IP6K2: variants seen among roughly 807,000 people sequenced by gnomAD.
The protein encoded by IP6K2 is inositol hexakisphosphate kinase 2.
IP6K2 carries 9 observed loss-of-function variants against 43.3 expected under a neutral mutation model. The observed-to-expected ratio is 0.21, with a 90% CI of 0.13 to 0.36. The LOEUF is 0.36. Ranked by LOEUF, IP6K2 falls within the 10% of genes least tolerant of loss-of-function variation. The pLI is 1.00. For missense variants in IP6K2, 332 were observed against 538.4 expected (o/e 0.62, Z 3.79); for synonymous variants, 209 against 202.4 (o/e 1.03, Z -0.28).
chr3:48,700,580 TAC>T (rs753374907), intron 1 of IP6K2, among the ~76,000 whole-genome samples: 3 of 152,222 alleles, frequency 2.0e-5, no homozygotes, highest in African/African-American at 4.8e-5. Context: ...TAGCACAGCA[TAC>T]AGTTTTCCCA....
chr3:48,693,982 G>GCTAACTAGTGTAGATCTCGGTGGT, intron 2 of IP6K2: 1 of 1,381,744 alleles, frequency 7.2e-7, no homozygotes, highest in South Asian at 1.8e-5. Flanking sequence ...GTGCCGACGA[G>GCTAACTAGTGTAGATCTCGGTGGT]CGCCTTACAA....
At chr3:48,707,212 T>G (rs1054197601) in intron 1 of IP6K2, among the ~76,000 whole-genome samples, 2 of 152,124 alleles carry the variant, frequency 1.3e-5, no homozygotes, top group Admixed American at 1.3e-4. Context: ...GAGAAAATAC[T>G]GGGGGAAGAG....
rs753183941 is a variant in IP6K2, at chr3:48,688,535, C to T, written c.1019G>A (p.Arg340Gln). 8.7e-6 allele frequency: 14 copies of T among 1,614,206 alleles called. No individual in the cohort carries two copies. Among genetic ancestry groups the T allele is most frequent in the South Asian group, 2.2e-5 (2 of 91,080 alleles). Residue 340 changes from arginine (R) to glutamine (Q), a missense_variant, in exon 6 of 6, where the codon CGG becomes CAG. By Grantham distance (43) the Arg-to-Gln change is conservative. Transcript: ENST00000328631. This position sits in a 1 kb window ranked among gnomAD's most constrained non-coding sequence, Gnocchi z 5.1. ...ATCTGAGTCCAGGACCACTTCGGGC[C>T]GCTCCTTGCCATCATAAATGACCAG... ...SLLVIYDGKE[R>Q]PEVVLDSDAE...
chr3:48,713,993 T>C (rs2107101694), intron 1 of IP6K2, among the ~76,000 whole-genome samples: 1 of 151,960 alleles, frequency 6.6e-6, no homozygotes. Context: ...GGCACATGCC[T>C]GTAGTCCCAG....
At chr3:48,703,277 A>G (rs2106930997) in intron 1 of IP6K2, among the ~76,000 whole-genome samples, 1 of 152,348 alleles carries the variant, frequency 6.6e-6, no homozygotes, top group Non-Finnish European at 1.5e-5. Flanking sequence ...TAAACTTTCA[A>G]AATGTGGCTA....
chr3:48,695,460 AG>A lies in IP6K2; in HGVS notation c.-130-40del. 1.4e-6 allele frequency: 2 copies of A among 1,400,124 alleles called. No individual in the cohort carries two copies. The highest frequency in any genetic ancestry group is 3.3e-5 in the South Asian group (2 of 60,302). 86.7% of individuals were successfully genotyped at this position (1,400,124 alleles called of 1,614,324 possible). On this transcript the variant is annotated intron_variant, in intron 1 of 5. Coordinates refer to ENST00000328631, the MANE Select transcript of IP6K2 (RefSeq NM_016291.4). The surrounding 1 kb of genome is among the most constrained non-coding windows in gnomAD (Gnocchi z 4.6). ...AAATGATGACATGGGGGTTCGAAGT[AG>A]CGTGGGAAGTGCCTTAGAGCTGCTC... is the stretch of plus-strand genomic sequence containing the variant.
chr3:48,716,253 C>T (rs2081181100), intron 1 of IP6K2, among the ~76,000 whole-genome samples: 1 of 152,216 alleles, frequency 6.6e-6, no homozygotes, highest in Admixed American at 6.5e-5. Context: ...TGATCTACAA[C>T]ATTTTTGTTA....
chr3:48,689,742 A>C (rs1306825641), intron 4 of IP6K2, 29 bp from the exon 5 acceptor site: 1 of 1,600,694 alleles, frequency 6.2e-7, no homozygotes, highest in Admixed American at 1.7e-5. Context: ...TACCCCCAAA[A>C]GGAAGTGCTA....
rs2079168834 is a variant in IP6K2, at chr3:48,702,465, T to TA, written c.-130-7045dup. On this transcript the variant is annotated intron_variant, in intron 1 of 5. Coordinates refer to ENST00000328631, the MANE Select transcript of IP6K2 (RefSeq NM_016291.4). ...TCACCCCCCCTTTTTTTTTTTGAGA[T>TA]AGAGTCTTGCTCTGTTGCCCAGGCT... is the stretch of plus-strand genomic sequence containing the variant. 2.7e-5 allele frequency among the ~76,000 whole-genome samples: 4 copies of TA among 150,146 alleles called. No homozygotes were observed. In the South Asian group the frequency reaches 8.5e-4, roughly 32 times the overall value.
chr3:48,703,167 A>G (rs936767135), intron 1 of IP6K2, among the ~76,000 whole-genome samples: 1 of 152,224 alleles, frequency 6.6e-6, no homozygotes, highest in African/African-American at 2.4e-5. Context: ...GAAACATTTC[A>G]TGTCAAACAA....
At chr3:48,700,825 G>A (rs550594861) in intron 1 of IP6K2, among the ~76,000 whole-genome samples, 1 of 152,168 alleles carries the variant, frequency 6.6e-6, no homozygotes, top group East Asian at 1.9e-4. Context: ...CAGAGGGGTG[G>A]CATAAGGCAC....
Position 48,688,552 on chromosome 3 carries a change from A to G in IP6K2, c.1002T>C (p.Ile334=), listed in dbSNP as rs2106770139. The change falls in exon 6 of 6, where the codon ATT becomes ATC. Residue 334 remains isoleucine (I), a synonymous_variant. Transcript: ENST00000328631. The surrounding 1 kb of genome is among the most constrained non-coding windows in gnomAD (Gnocchi z 5.1). ...YRFYSSSLLV[I]YDGKERPEVV... ...CTTCGGGCCGCTCCTTGCCATCATA[A>G]ATGACCAGCAGGGAGCTTGAGTAGA... The G allele has an allele frequency of 6.2e-7, 1 of 1,614,170 alleles. No homozygotes were observed. Among genetic ancestry groups the G allele is most frequent in the Non-Finnish European group, 8.5e-7 (1 of 1,180,034 alleles).
chr3:48,706,659 G>A (rs2079823685), intron 1 of IP6K2, among the ~76,000 whole-genome samples: 1 of 152,064 alleles, frequency 6.6e-6, no homozygotes, highest in Admixed American at 6.6e-5. Flanking sequence ...GAGCAACATG[G>A]CAAAACCCCA....
At chr3:48,717,135 G>C (rs934450362) in intron 1 of IP6K2, 22 bp downstream of exon 1, 2 of 154,814 alleles carry the variant, frequency 1.3e-5, no homozygotes, top group Admixed American at 6.5e-5. Flanking sequence ...CGGGCACTAG[G>C]GCCATAGGAC....
chr3:48,694,578 G>A (rs1387410420), intron 2 of IP6K2: 1 of 1,524,374 alleles, frequency 6.6e-7, no homozygotes, highest in Non-Finnish European at 8.8e-7. Flanking sequence ...TGAATCGAAG[G>A]GTTGCTTTCA....
chr3:48,715,213 T>A lies in IP6K2; in HGVS notation c.-131+1944A>T, dbSNP rs1168872357. On this transcript the variant is annotated intron_variant, in intron 1 of 5. Transcript: ENST00000328631. ...TCTAATGTATAAGAGTGTGTTCAAT[T>A]TGTTACCCAAGATTATCCCACTAGG... 3 of 1,232,906 alleles carry A rather than the reference T, an allele frequency of 2.4e-6. No individual in the cohort carries two copies. The East Asian group carries it at 7.6e-5, about 31-fold the overall frequency. 76.4% of individuals were successfully genotyped at this position (1,232,906 alleles called of 1,614,324 possible). A position where few individuals can be genotyped will look rare whatever the true frequency, so the allele number is the denominator to read the frequency against.
intron 1 of IP6K2, among the ~76,000 whole-genome samples, chr3:48,701,153 T>C (rs2078983083): frequency 6.6e-6 from 1 of 152,092 alleles, no homozygotes; most frequent in Non-Finnish European, 1.5e-5. Flanking sequence ...GTGGATTACT[T>C]GAGGTCAGGA....
intron 1 of IP6K2, among the ~76,000 whole-genome samples, chr3:48,707,161 T>C (rs2079889968): frequency 6.6e-6 from 1 of 152,222 alleles, no homozygotes; most frequent in African/African-American, 2.4e-5. Flanking sequence ...AAACTTATAA[T>C]ATCCTCCAAC....
chr3:48,690,273 CTA>C (rs1167707582), intron 4 of IP6K2, among the ~76,000 whole-genome samples: 1 of 152,252 alleles, frequency 6.6e-6, no homozygotes, highest in Non-Finnish European at 1.5e-5. Context: ...AACTGGTAAA[CTA>C]TGGCCCAGTG....
Sources: gnomAD v4.1 joint callset for allele counts (sites outside exome capture counted in the v4.1 genomes callset) on GRCh38, gnomAD v4.1.1 for gene constraint, Gnocchi (gnomAD v3.1) non-coding constraint, MANE v1.5 for transcripts, NCBI Gene and HGNC (gene_info 2026-07-23, HGNC 2026-07-21) for gene names.